GMDS: variants seen among roughly 807,000 people sequenced by gnomAD.
The protein encoded by GMDS is GDP-mannose 4,6-dehydratase, also known as GDP-mannose 4,6 dehydratase.
In GMDS, 20 loss-of-function variants were observed where a neutral mutation model predicts 49.9. The ratio of observed to expected loss-of-function variants is 0.40; its 90% CI spans 0.28 to 0.58. The LOEUF (loss-of-function observed/expected upper bound fraction) is 0.58, where lower values mean the gene tolerates loss of function less well. Ranked by LOEUF, GMDS falls within the 20% of genes least tolerant of loss-of-function variation. The pLI is 0.42. For missense variants in GMDS, 362 were observed against 481.4 expected (o/e 0.75, Z 2.32); for synonymous variants, 177 against 178.6 (o/e 0.99, Z 0.07).
intron 4 of GMDS, among the ~76,000 whole-genome samples, chr6:2,032,739 T>C (rs1261609345): frequency 1.3e-5 from 2 of 152,192 alleles, no homozygotes; most frequent in Non-Finnish European, 2.9e-5. Context: ...GTAGCAGTAG[T>C]ATCTCCATTC....
intron 7 of GMDS, among the ~76,000 whole-genome samples, chr6:1,784,408 A>G (rs935966036): frequency 4.6e-5 from 7 of 151,580 alleles, no homozygotes; most frequent in South Asian, 4.2e-4. Flanking sequence ...AAAAAAAAAA[A>G]AAAAAAGAAA....
At chr6:1,899,273 T>A (rs956639661) in intron 7 of GMDS, among the ~76,000 whole-genome samples, 2 of 151,812 alleles carry the variant, frequency 1.3e-5, no homozygotes, top group South Asian at 4.1e-4. Context: ...TTAAATGTTA[T>A]CAGTGTTTGT....
At chr6:1,675,724 G>GT (rs1256525313) in intron 9 of GMDS, among the ~76,000 whole-genome samples, 4 of 151,942 alleles carry the variant, frequency 2.6e-5, no homozygotes, top group Non-Finnish European at 5.9e-5. Context: ...GTGATGGCAG[G>GT]TGCCTGTAGT....
chr6:2,138,153 A>G (rs1477472513), intron 1 of GMDS, among the ~76,000 whole-genome samples: 1 of 152,248 alleles, frequency 6.6e-6, no homozygotes, highest in Non-Finnish European at 1.5e-5. Context: ...GGCAAAAAAA[A>G]TTACAACATT....
At chr6:1,960,576 G>A (rs1342159829) in intron 5 of GMDS, among the ~76,000 whole-genome samples, 198 bp downstream of exon 5, 16 of 152,126 alleles carry the variant, frequency 1.1e-4, no homozygotes, top group Non-Finnish European at 4.4e-5. Flanking sequence ...CGAAGGCAAT[G>A]GCAGCAAATA....
intron 4 of GMDS, among the ~76,000 whole-genome samples, chr6:1,967,156 C>T (rs1764309268): frequency 6.6e-6 from 1 of 152,192 alleles, no homozygotes; most frequent in Non-Finnish European, 1.5e-5. Flanking sequence ...AACATCCCGT[C>T]CTTGCCATTC....
Position 1,737,823 on chromosome 6 carries a change from AAGACACACCAC to A in GMDS, c.890+4634_890+4644del, listed in dbSNP as rs1411032023. 3.7e-3 allele frequency among the ~76,000 whole-genome samples: 192 copies of A among 51,510 alleles called. 1 individual carries two copies. The highest frequency in any genetic ancestry group is 0.018 in the African/African-American group (183 of 10,090). The allele number at this position is 51,510 out of a possible 152,430, so 33.8% of individuals were successfully genotyped here. A position where few individuals can be genotyped will look rare whatever the true frequency, so the allele number is the denominator to read the frequency against. On this transcript the variant is annotated intron_variant, in intron 8 of 10. Transcript: ENST00000380815. ...TACACACACATACACACACACCACA[AAGACACACCAC>A]ACACACAGATACGCGCACAGATATG...
At chr6:1,705,811 T>C in intron 9 of GMDS, among the ~76,000 whole-genome samples, 1 of 151,204 alleles carries the variant, frequency 6.6e-6, no homozygotes, top group Non-Finnish European at 1.5e-5. Flanking sequence ...TTCAGGAGAG[T>C]TTGGGAACTG....
chr6:2,175,184 GAT>G (rs1172203586), intron 1 of GMDS, among the ~76,000 whole-genome samples: 1 of 152,090 alleles, frequency 6.6e-6, no homozygotes, highest in African/African-American at 2.4e-5. Flanking sequence ...TGAAAAAGGA[GAT>G]GTTTTATTTA....
At chr6:2,239,476 A>T (rs1781514040) in intron 1 of GMDS, among the ~76,000 whole-genome samples, 1 of 152,334 alleles carries the variant, frequency 6.6e-6, no homozygotes, top group Admixed American at 6.5e-5. Context: ...GTAGACTAGG[A>T]GCAGCCCTTA....
At chr6:1,976,088 G>A (rs1199493580) in intron 4 of GMDS, among the ~76,000 whole-genome samples, 1 of 152,130 alleles carries the variant, frequency 6.6e-6, no homozygotes, top group African/African-American at 2.4e-5. Context: ...GTGAACTCTA[G>A]GTCAGGAAGT....
intron 7 of GMDS, among the ~76,000 whole-genome samples, chr6:1,872,511 T>A (rs1561857435): frequency 6.6e-6 from 1 of 152,202 alleles, no homozygotes; most frequent in Non-Finnish European, 1.5e-5. Context: ...GATATGATAG[T>A]CCTATGGATA....
At chr6:1,954,217 T>C (rs542061943) in intron 6 of GMDS, among the ~76,000 whole-genome samples, 5 of 152,352 alleles carry the variant, frequency 3.3e-5, no homozygotes, top group Non-Finnish European at 5.9e-5. Context: ...GTAATAATAG[T>C]ATGTTTTTAA....
intron 4 of GMDS, among the ~76,000 whole-genome samples, chr6:1,996,058 C>T (rs938600330): frequency 6.6e-6 from 1 of 152,066 alleles, no homozygotes. Context: ...ATAGCCTCTT[C>T]TTTTCTTTTC....
intron 6 of GMDS, among the ~76,000 whole-genome samples, chr6:1,935,312 T>C (rs1213647089): frequency 6.6e-6 from 1 of 152,194 alleles, no homozygotes; most frequent in African/African-American, 2.4e-5. Context: ...TGGCATTTCT[T>C]ACAGAAATGT....
chr6:2,227,244 G>A (rs1219351377), intron 1 of GMDS, among the ~76,000 whole-genome samples: 2 of 151,528 alleles, frequency 1.3e-5, no homozygotes, highest in Non-Finnish European at 2.9e-5. Context: ...TCACTACTAC[G>A]GTCCCCATAA....
chr6:2,034,568 T>C (rs1394708957), intron 4 of GMDS, among the ~76,000 whole-genome samples: 2 of 152,204 alleles, frequency 1.3e-5, no homozygotes, highest in Non-Finnish European at 2.9e-5. Context: ...GATTTTAATG[T>C]CAACAACGCT....
chr6:2,066,240 C>A (rs1356841065), intron 4 of GMDS, among the ~76,000 whole-genome samples: 1 of 149,896 alleles, frequency 6.7e-6, no homozygotes, highest in Admixed American at 6.7e-5. Context: ...CACCACCAGG[C>A]CTGCCCTAAA....
chr6:1,838,874 T>C (rs1757036211), intron 7 of GMDS, among the ~76,000 whole-genome samples: 2 of 152,256 alleles, frequency 1.3e-5, no homozygotes, highest in South Asian at 4.1e-4. Context: ...TCATAAGGTA[T>C]ATCTCATCTG....
Sources: allele counts gnomAD v4.1 joint callset (sites outside exome capture counted in the v4.1 genomes callset), GRCh38; gene constraint gnomAD v4.1.1; transcripts MANE v1.5; gene names NCBI Gene and HGNC (gene_info 2026-07-23, HGNC 2026-07-21).